KIFAP3: variants seen among roughly 807,000 people sequenced by gnomAD.
The protein encoded by KIFAP3 is kinesin associated protein 3, also known as kinesin-associated protein 3.
Under a neutral mutation model 106.5 loss-of-function variants are expected in KIFAP3, and 68 were observed. That is an observed-to-expected ratio of 0.64 (90% confidence interval 0.53 to 0.78). KIFAP3 has a LOEUF of 0.78. Ranked by LOEUF, KIFAP3 falls within the 30% of genes least tolerant of loss-of-function variation. The pLI is 0.00. For synonymous variants in KIFAP3, 320 were observed against 311.5 expected (o/e 1.03, Z -0.29); for missense variants, 780 against 941.8 (o/e 0.83, Z 2.25).
intron 11 of KIFAP3, among the ~76,000 whole-genome samples, chr1:169,988,929 C>A (rs1464444828): frequency 6.6e-6 from 1 of 151,796 alleles, no homozygotes; most frequent in Non-Finnish European, 1.5e-5. Flanking sequence ...TAACCTTATT[C>A]TGTTAAGGGC....
intron 19 of KIFAP3, among the ~76,000 whole-genome samples, chr1:169,939,711 G>A (rs1321318812): frequency 6.6e-6 from 1 of 152,130 alleles, no homozygotes; most frequent in African/African-American, 2.4e-5. Context: ...AGAACATTGG[G>A]AAGAAATGAC....
In KIFAP3 at chr1:169,983,266, T is replaced by C. The variant is rs770360295; in HGVS notation, c.1506+4A>G. On this transcript the variant is annotated splice_donor_region_variant and intron_variant, in intron 13 of 19. Transcript: ENST00000361580. ...TTTGAATAGAAAGCCAAAATGATAC[T>C]TACAATAAACAGATTTTTAGTTGGT... The C allele has an allele frequency of 4.5e-6, 7 of 1,553,762 alleles. No individual in the cohort carries two copies. The highest frequency in any genetic ancestry group is 6.2e-6 in the Non-Finnish European group (7 of 1,134,836).
intron 6 of KIFAP3, 111 bp from the exon 7 acceptor site, chr1:170,034,607 C>A: frequency 2.0e-6 from 1 of 496,820 alleles, no homozygotes; most frequent in Admixed American, 4.3e-5. Context: ...ATTTGATATA[C>A]ATATTTTAAT....
intron 19 of KIFAP3, among the ~76,000 whole-genome samples, chr1:169,949,213 A>G (rs1664606131): frequency 6.6e-6 from 1 of 152,008 alleles, no homozygotes; most frequent in African/African-American, 2.4e-5. Context: ...TGCATAAAAA[A>G]GTTAATATTA....
At chr1:169,927,434 A>G (rs1199113671) in intron 19 of KIFAP3, among the ~76,000 whole-genome samples, 2 of 152,242 alleles carry the variant, frequency 1.3e-5, no homozygotes, top group Non-Finnish European at 2.9e-5. Context: ...AGAGACATGT[A>G]CAAATTGCTA....
upstream of KIFAP3, among the ~76,000 whole-genome samples, chr1:170,076,535 CAT>C (rs929255426): frequency 6.6e-6 from 1 of 152,052 alleles, no homozygotes; most frequent in Non-Finnish European, 1.5e-5. Context: ...TACTCAACAA[CAT>C]AGAAAAACAG....
At chr1:169,985,098 C>T (rs1388669694) in intron 11 of KIFAP3, among the ~76,000 whole-genome samples, 7 of 151,748 alleles carry the variant, frequency 4.6e-5, no homozygotes, top group Non-Finnish European at 1.5e-5. Context: ...AGGGAAACAA[C>T]AGTTTTAAGA....
At chr1:169,985,488 A>G (rs1002352780) in intron 11 of KIFAP3, among the ~76,000 whole-genome samples, 2 of 151,928 alleles carry the variant, frequency 1.3e-5, no homozygotes, top group Non-Finnish European at 2.9e-5. Context: ...GAGAAATGAC[A>G]TACATGGTGC....
rs373947122 is a variant in KIFAP3 at position 169,921,662 on chromosome 1, A to G, written c.*14T>C. 2.5e-6 allele frequency: 4 copies of G among 1,594,854 alleles called. No individual in the cohort carries two copies. The highest frequency in any genetic ancestry group is 3.4e-6 in the Non-Finnish European group (4 of 1,162,942). On this transcript the variant is annotated 3_prime_UTR_variant, in exon 20 of 20. Transcript: ENST00000361580. ...TCTTCTAAGCTGAGATTACACATGG[A>G]AACAGATACTTTATCAAGATCCATA...
intron 1 of KIFAP3, among the ~76,000 whole-genome samples, chr1:170,072,261 A>G (rs1303416357): frequency 6.6e-6 from 1 of 152,184 alleles, no homozygotes; most frequent in Non-Finnish European, 1.5e-5. Context: ...TTAATAATCT[A>G]TGTTTCAGGC....
chr1:169,995,283 T>C (rs1036223021), intron 10 of KIFAP3, among the ~76,000 whole-genome samples: 1 of 152,156 alleles, frequency 6.6e-6, no homozygotes, highest in African/African-American at 2.4e-5. Flanking sequence ...CCCAAGAAGG[T>C]AGGAATCCCT....
At chr1:170,075,267 G>C (rs954882939), upstream of KIFAP3, among the ~76,000 whole-genome samples, 2 of 152,162 alleles carry the variant, frequency 1.3e-5, no homozygotes, top group African/African-American at 4.8e-5. Flanking sequence ...AGGAAAGAAG[G>C]GTTCTTTTTT....
In KIFAP3 at chr1:170,056,570, A is replaced by C. The variant is rs140743277; in HGVS notation, c.33-1134T>G. Among the ~76,000 whole-genome samples the C allele has an allele frequency of 1.6e-3, 250 of 152,322 alleles. 1 individual carries two copies. The highest frequency in any genetic ancestry group is 5.7e-3 in the African/African-American group (237 of 41,572). On this transcript the variant is annotated intron_variant, in intron 1 of 19. Transcript: ENST00000361580. ...CTGACCAGTGGGGTCTTTTAGCCTGATAAGAAAAACAAAAATATGACAACA... is the reference window on the plus strand; with the variant it reads ...CTGACCAGTGGGGTCTTTTAGCCTGCTAAGAAAAACAAAAATATGACAACA...
At chr1:169,993,658 T>TGA (rs879501306) in intron 10 of KIFAP3, among the ~76,000 whole-genome samples, 43,622 of 45,208 alleles carry the variant, frequency 0.96, 21,047 homozygotes, top group African/African-American at 0.97. Context: ...AAGGTGAGGC[T>TGA]TGCAGTGAGC....
chr1:169,921,812 T>C (rs1571494235), intron 19 of KIFAP3, 31 bp from the exon 20 acceptor site: 1 of 1,518,150 alleles, frequency 6.6e-7, no homozygotes, highest in East Asian at 2.3e-5. Flanking sequence ...TGATAAGCTA[T>C]GTTTTTCATC....
intron 10 of KIFAP3, among the ~76,000 whole-genome samples, chr1:169,995,390 T>C (rs1468734439): frequency 1.3e-5 from 2 of 152,134 alleles, no homozygotes; most frequent in African/African-American, 4.8e-5. Flanking sequence ...CAAACTCATA[T>C]TCTGAAGGAA....
intron 10 of KIFAP3, among the ~76,000 whole-genome samples, chr1:169,999,256 A>G (rs1213179368): frequency 6.6e-6 from 1 of 152,206 alleles, no homozygotes; most frequent in Non-Finnish European, 1.5e-5. Flanking sequence ...ACAAGAAATG[A>G]GGATTGGAGG....
chr1:169,994,779 A>G (rs1219373354), intron 10 of KIFAP3, among the ~76,000 whole-genome samples: 2 of 152,006 alleles, frequency 1.3e-5, no homozygotes, highest in East Asian at 1.9e-4. Flanking sequence ...TTTACAGAAT[A>G]GAGAGTCAAA....
At chr1:170,052,293 T>A (rs1670615998) in intron 2 of KIFAP3, among the ~76,000 whole-genome samples, 3 of 151,920 alleles carry the variant, frequency 2.0e-5, no homozygotes. Context: ...CAGGAAGAAG[T>A]AAAATGGCTG....
Sources: gnomAD v4.1 joint callset for allele counts (sites outside exome capture counted in the v4.1 genomes callset) on GRCh38, gnomAD v4.1.1 for gene constraint, MANE v1.5 for transcripts, NCBI Gene and HGNC (gene_info 2026-07-23, HGNC 2026-07-21) for gene names.